The following ZNF385D variants were observed in gnomAD, a reference collection of about 807,000 sequenced individuals.
The protein encoded by ZNF385D is zinc finger protein 659.
ZNF385D carries 15 observed loss-of-function variants against 35.8 expected under a neutral mutation model. The observed-to-expected ratio is 0.42, with a 90% CI of 0.28 to 0.64. The LOEUF (loss-of-function observed/expected upper bound fraction) is 0.64, where lower values mean the gene tolerates loss of function less well. ZNF385D is among the 30% of genes least tolerant of loss of function. The probability of loss-of-function intolerance (pLI) is 0.23; values close to 1 mark genes in which losing one functional copy is unlikely to be tolerated. For missense variants in ZNF385D, 474 were observed against 494.6 expected, an observed-to-expected ratio of 0.96 and a Z score of 0.39; for synonymous variants, 212 against 186.8, an observed-to-expected ratio of 1.13 and a Z score of -1.10.
rs150664835 is a variant in ZNF385D, at chr3:22,006,693, C to A, written c.325+162124G>T. Among the ~76,000 whole-genome samples the A allele has an allele frequency of 1.3e-4, 19 of 151,908 alleles. No homozygotes were observed. In the East Asian group the frequency reaches 3.5e-3, roughly 28 times the overall value. The stretch of plus-strand genomic sequence containing the variant: ...AATGCCTTTATTTTTGGCAATACAG[C>A]ATATTACATTTGCTGAGAAGCTTTT... On this transcript the variant is annotated intron_variant, in intron 3 of 5. Transcript: ENST00000494108.
intron 3 of ZNF385D, among the ~76,000 whole-genome samples, chr3:22,072,580 C>T (rs2125565163): frequency 6.6e-6 from 1 of 151,560 alleles, no homozygotes; most frequent in Middle Eastern, 3.4e-3. Context: ...AAATGATTTT[C>T]AAATTTAAGG....
intron 3 of ZNF385D, among the ~76,000 whole-genome samples, chr3:21,795,486 G>C (rs1427249162): frequency 1.3e-5 from 2 of 152,230 alleles, no homozygotes; most frequent in Non-Finnish European, 2.9e-5. Flanking sequence ...AAAAATAATT[G>C]ACAGTGAGGG....
chr3:21,896,093 T>A (rs750344433), intron 3 of ZNF385D, among the ~76,000 whole-genome samples: 48 of 152,280 alleles, frequency 3.2e-4, no homozygotes, highest in Non-Finnish European at 4.9e-4. Context: ...TTAATGAGGC[T>A]CCTGATATAT....
intron 3 of ZNF385D, among the ~76,000 whole-genome samples, chr3:22,084,693 C>T (rs920936500): frequency 8.5e-5 from 13 of 152,238 alleles, no homozygotes; most frequent in Admixed American, 5.9e-4. Flanking sequence ...TAAGGATATC[C>T]AGCACTTGAA....
intron 3 of ZNF385D, among the ~76,000 whole-genome samples, chr3:22,095,347 G>A (rs553806135): frequency 2.6e-5 from 4 of 151,824 alleles, no homozygotes; most frequent in South Asian, 2.1e-4. Context: ...CTTTATCACA[G>A]GATATCTTTT....
rs112329766 is a variant in ZNF385D, at chr3:21,621,769, T to G, written c.165+43117A>C. On this transcript the variant is annotated intron_variant, in intron 2 of 7. Coordinates refer to ENST00000281523, the MANE Select transcript of ZNF385D (RefSeq NM_024697.3). ...TATCTTCTGAGATACTCAAGCACAT[T>G]GGCTGCTCTTATCACAAAAAGCTCC... is the stretch of plus-strand genomic sequence containing the variant. 7.5e-3 allele frequency among the ~76,000 whole-genome samples: 1,146 copies of G among 151,930 alleles called. 15 individuals are homozygous for G. Among genetic ancestry groups the G allele is most frequent in the African/African-American group, 0.025 (1,033 of 41,456 alleles).
Position 21,793,608 on chromosome 3 carries a change from A to C in ZNF385D, c.326-128580T>G, listed in dbSNP as rs527784387. Among the ~76,000 whole-genome samples the C allele has an allele frequency of 2.6e-5, 4 of 152,336 alleles. No individual in the cohort carries two copies. In the South Asian group the frequency reaches 8.3e-4, roughly 32 times the overall value. On this transcript the variant is annotated intron_variant, in intron 3 of 5. Transcript: ENST00000494108. ...CTAAGGCTGATCTTCAGGTAAAAAAACTGAGGCCTGCAGAGCCTACAGGAC... is the reference window on the plus strand; with the variant it reads ...CTAAGGCTGATCTTCAGGTAAAAAACCTGAGGCCTGCAGAGCCTACAGGAC...
intron 1 of ZNF385D, among the ~76,000 whole-genome samples, chr3:21,695,796 A>C (rs1449273113): frequency 2.0e-5 from 3 of 151,726 alleles, no homozygotes; most frequent in African/African-American, 7.3e-5. Context: ...ATTTCATTTT[A>C]TTCCTTTAAA....
In ZNF385D at chr3:21,627,666, G is replaced by C. The variant is rs377436775; in HGVS notation, c.165+37220C>G. On this transcript the variant is annotated intron_variant, in intron 2 of 7. Transcript: ENST00000281523. ...AAATGCAGAAAAAAAGTTCAAAACA[G>C]TTGCCTTAGGCAATGTGCAATAGTA... Among the ~76,000 whole-genome samples, 37 of 152,238 alleles carry C rather than the reference G, an allele frequency of 2.4e-4. No individual in the cohort carries two copies. In the South Asian group the frequency reaches 6.8e-3, roughly 28 times the overall value.
intron 2 of ZNF385D, among the ~76,000 whole-genome samples, chr3:22,342,735 C>A (rs1431933622): frequency 1.3e-5 from 2 of 152,152 alleles, no homozygotes; most frequent in African/African-American, 2.4e-5. Flanking sequence ...CACCAACAAG[C>A]AAAGAATATA....
At chr3:22,372,677 G>T (rs1207290065) in exon 2 of ZNF385D, 2 of 177,208 alleles carry the variant, frequency 1.1e-5, no homozygotes, top group Non-Finnish European at 2.2e-5. Flanking sequence ...TCTCCGTTGC[G>T]CAGCGCGTGC....
intron 2 of ZNF385D, among the ~76,000 whole-genome samples, chr3:22,269,984 T>C (rs1157553969): frequency 6.6e-6 from 1 of 151,904 alleles, no homozygotes. Context: ...TTCTCAGACT[T>C]TAATGTACGT....
At chr3:21,468,495 C>T (rs535204700) in intron 4 of ZNF385D, among the ~76,000 whole-genome samples, 37 of 150,718 alleles carry the variant, frequency 2.5e-4, no homozygotes, top group Non-Finnish European at 5.2e-4. Context: ...TATGCATCAC[C>T]ATGTAAATGG....
At chr3:21,568,302 C>A (rs1281019654) in intron 2 of ZNF385D, among the ~76,000 whole-genome samples, 1 of 152,094 alleles carries the variant, frequency 6.6e-6, no homozygotes, top group Non-Finnish European at 1.5e-5. Context: ...ATACCACATG[C>A]CGTATAACTA....
At chr3:21,757,120 C>CTTTTTTTTTTTTTTTTTTTTTTTTTTT (rs61226426) in intron 3 of ZNF385D, among the ~76,000 whole-genome samples, 18 of 106,414 alleles carry the variant, frequency 1.7e-4, no homozygotes, top group African/African-American at 5.0e-4. Flanking sequence ...ATAAATTTCT[C>CTTTTTTTTTTTTTTTTTTTTTTTTTTT]TTTTTTTTTT....
At chr3:21,726,426 A>T (rs562933321) in intron 1 of ZNF385D, among the ~76,000 whole-genome samples, 9 of 152,196 alleles carry the variant, frequency 5.9e-5, no homozygotes, top group African/African-American at 2.2e-4. Context: ...TATTTAGAAA[A>T]CTCCATCATC....
At chr3:21,619,955 C>T (rs2064955948) in intron 2 of ZNF385D, among the ~76,000 whole-genome samples, 1 of 152,110 alleles carries the variant, frequency 6.6e-6, no homozygotes, top group South Asian at 2.1e-4. Context: ...GCCAGGGAAA[C>T]TTGGGCATGA....
At chr3:22,358,101 G>C (rs575128712) in intron 2 of ZNF385D, among the ~76,000 whole-genome samples, 1 of 151,964 alleles carries the variant, frequency 6.6e-6, no homozygotes, top group South Asian at 2.1e-4. Flanking sequence ...ATGAATAACA[G>C]GGACAGTCAG....
intron 3 of ZNF385D, among the ~76,000 whole-genome samples, chr3:21,859,993 A>C (rs893491397): frequency 2.2e-4 from 33 of 152,160 alleles, no homozygotes; most frequent in Non-Finnish European, 4.6e-4. Context: ...AAGTATCAGA[A>C]ATTAAAAAAG....
Sources: gnomAD v4.1 joint callset for allele counts (sites outside exome capture counted in the v4.1 genomes callset) on GRCh38, gnomAD v4.1.1 for gene constraint, MANE v1.5 for transcripts, NCBI Gene and HGNC (gene_info 2026-07-23, HGNC 2026-07-21) for gene names.